Variants in GRIP1 observed in about 807,000 individuals in gnomAD.
GRIP1 encodes the protein glutamate receptor interacting protein 1.
In GRIP1, 45 loss-of-function variants were observed where a neutral mutation model predicts 129.9. That is an observed-to-expected ratio of 0.35 (90% CI 0.27 to 0.44). The LOEUF is 0.44. Ranked by LOEUF, GRIP1 falls within the 20% of genes least tolerant of loss-of-function variation. GRIP1 has a pLI of 1.00. For synonymous variants in GRIP1, 530 were observed against 520.8 expected (o/e 1.02, Z -0.24); for missense variants, 1,196 against 1,396.8 (o/e 0.86, Z 2.29).
chr12:66,551,442 G>T (rs1157938770), intron 2 of GRIP1, among the ~76,000 whole-genome samples: 2 of 152,132 alleles, frequency 1.3e-5, no homozygotes, highest in African/African-American at 4.8e-5. Context: ...TTTACTTGCA[G>T]TATTACTGTT....
chr12:66,691,020 G>T (rs1222128422), intron 1 of GRIP1, among the ~76,000 whole-genome samples: 1 of 152,046 alleles, frequency 6.6e-6, no homozygotes, highest in Non-Finnish European at 1.5e-5. Flanking sequence ...GTGTAAATAG[G>T]TTCCCTTTTC....
At chr12:66,564,204 G>T (rs1438058062) in intron 2 of GRIP1, 1 of 151,812 alleles carries the variant, frequency 6.6e-6, no homozygotes, top group Non-Finnish European at 1.5e-5. Flanking sequence ...GTATACATGT[G>T]CCATGCTGGT....
chr12:66,867,500 G>A (rs1170185662), intron 1 of GRIP1, among the ~76,000 whole-genome samples: 1 of 152,082 alleles, frequency 6.6e-6, no homozygotes, highest in African/African-American at 2.4e-5. Flanking sequence ...AGGGTCCTAC[G>A]AAAGATTTCA....
At position 66,472,504 on chromosome 12, in the gene GRIP1, A is replaced by G. The variant is rs556761237; in HGVS notation, c.725-7082T>C. On this transcript the variant is annotated intron_variant, in intron 7 of 24. Coordinates refer to ENST00000359742, the MANE Select transcript of GRIP1 (RefSeq NM_001366722.1). ...TTAATATAGTATGGTCAAAATGCTT[A>G]CAAAAATATTGAGTTATCTGGTGGC... is the stretch of plus-strand genomic sequence containing the variant. 9.8e-5 allele frequency among the ~76,000 whole-genome samples: 15 copies of G among 152,304 alleles called. No homozygotes were observed. The South Asian group carries it at 3.1e-3, about 32-fold the overall frequency.
intron 1 of GRIP1, among the ~76,000 whole-genome samples, chr12:66,688,772 A>G (rs113247528): frequency 1.4e-5 from 2 of 142,104 alleles, no homozygotes; most frequent in Admixed American, 7.1e-5. Flanking sequence ...ACTGACTCTG[A>G]AAAAAAAAAA....
chr12:66,907,184 G>T lies in GRIP1; in HGVS notation c.58+161866C>A, dbSNP rs544851377. On this transcript the variant is annotated intron_variant, in intron 1 of 1. Transcript: ENST00000643019. ...AGTTGACTTTTAAACAATCATGATG[G>T]AATGTGTAAGTTCTATGAGAGAAGT... is the stretch of plus-strand genomic sequence containing the variant. Among the ~76,000 whole-genome samples the T allele has an allele frequency of 5.9e-5, 9 of 152,304 alleles. No homozygotes were observed. The South Asian group carries it at 1.9e-3, about 32-fold the overall frequency.
intron 1 of GRIP1, among the ~76,000 whole-genome samples, chr12:66,852,404 A>G (rs2039928402): frequency 6.6e-6 from 1 of 151,918 alleles, no homozygotes; most frequent in South Asian, 2.1e-4. Flanking sequence ...CGAGTAGAGT[A>G]TAATCTCTTA....
chr12:66,968,243 T>A (rs1233741435), intron 1 of GRIP1, among the ~76,000 whole-genome samples: 1 of 152,160 alleles, frequency 6.6e-6, no homozygotes, highest in East Asian at 1.9e-4. Flanking sequence ...GTCTGCTTTG[T>A]CTAAAATTAA....
At chr12:66,385,596 ATTATTTATTTATTTAT>A (rs149410816) in intron 19 of GRIP1, among the ~76,000 whole-genome samples, 10 of 151,446 alleles carry the variant, frequency 6.6e-5, no homozygotes, top group Non-Finnish European at 1.0e-4. Flanking sequence ...TCTCCTTTGG[ATTATTTATTTATTTAT>A]TTATTTATTT....
intron 11 of GRIP1, among the ~76,000 whole-genome samples, chr12:66,447,138 C>T (rs1486280971): frequency 6.6e-6 from 1 of 152,200 alleles, no homozygotes; most frequent in Non-Finnish European, 1.5e-5. Context: ...CTGGTAAGTG[C>T]AGGTGGAAAG....
At chr12:67,034,722 C>T (rs1267804708) in intron 1 of GRIP1, among the ~76,000 whole-genome samples, 1 of 152,188 alleles carries the variant, frequency 6.6e-6, no homozygotes, top group Non-Finnish European at 1.5e-5. Context: ...AGCATCACAA[C>T]AAACACGAGT....
At chr12:67,002,612 A>G (rs2042567468) in intron 1 of GRIP1, among the ~76,000 whole-genome samples, 1 of 152,210 alleles carries the variant, frequency 6.6e-6, no homozygotes, top group Non-Finnish European at 1.5e-5. Flanking sequence ...CCTTTCTTAC[A>G]ACAGCCACAT....
intron 2 of GRIP1, among the ~76,000 whole-genome samples, chr12:66,575,522 C>T: frequency 6.6e-6 from 1 of 152,168 alleles, no homozygotes; most frequent in East Asian, 1.9e-4. Flanking sequence ...ACTTTCTTTC[C>T]TTCATTCCTT....
intron 4 of GRIP1, among the ~76,000 whole-genome samples, chr12:66,533,516 G>A (rs983975120): frequency 1.3e-5 from 2 of 151,968 alleles, no homozygotes; most frequent in Non-Finnish European, 2.9e-5. Context: ...ATAATGGTGG[G>A]CACCTGTAAT....
chr12:66,960,676 T>C (rs894996695), intron 1 of GRIP1, among the ~76,000 whole-genome samples: 18 of 152,130 alleles, frequency 1.2e-4, no homozygotes, highest in African/African-American at 4.3e-4. Flanking sequence ...CCTCAGGGGA[T>C]ATCTGACAAT....
chr12:66,462,453 G>T (rs1469236637), intron 9 of GRIP1, among the ~76,000 whole-genome samples: 1 of 152,076 alleles, frequency 6.6e-6, no homozygotes, highest in Non-Finnish European at 1.5e-5. Flanking sequence ...TTGCACCAAA[G>T]ACTTTTTTAA....
intron 1 of GRIP1, among the ~76,000 whole-genome samples, chr12:66,696,804 CAAAAAAAAAAAAAAAAAA>C (rs35445606): frequency 1.9e-5 from 2 of 103,738 alleles, no homozygotes; most frequent in Admixed American, 8.9e-5. Flanking sequence ...GACTCTGTCT[CAAAAAAAAAAAAAAAAAA>C]AAAAAAAAAA....
intron 2 of GRIP1, among the ~76,000 whole-genome samples, chr12:66,580,521 T>C (rs1302854186): frequency 1.3e-5 from 2 of 152,044 alleles, no homozygotes; most frequent in East Asian, 1.9e-4. Flanking sequence ...CCATCTCACA[T>C]GCAGAGACAC....
chr12:66,755,103 G>GC (rs1374722486), intron 1 of GRIP1, among the ~76,000 whole-genome samples: 1 of 151,938 alleles, frequency 6.6e-6, no homozygotes, highest in African/African-American at 2.4e-5. Flanking sequence ...TAAAACATCA[G>GC]GAAACCTGTG....
Sources: allele counts gnomAD v4.1 joint callset (sites outside exome capture counted in the v4.1 genomes callset), GRCh38; gene constraint gnomAD v4.1.1; transcripts MANE v1.5; gene names NCBI Gene and HGNC (gene_info 2026-07-23, HGNC 2026-07-21).